The following AMBRA1 variants were observed in gnomAD, a reference collection of about 807,000 sequenced individuals.
The protein encoded by AMBRA1 is autophagy and beclin 1 regulator 1, also known as activating molecule in BECN1-regulated autophagy protein 1.
AMBRA1 carries 47 observed loss-of-function variants against 125.4 expected under a neutral mutation model. That is an observed-to-expected ratio of 0.37 (90% CI 0.30 to 0.48). The LOEUF (loss-of-function observed/expected upper bound fraction) is 0.48, where lower values mean the gene tolerates loss of function less well. AMBRA1 is among the 20% of genes least tolerant of loss of function. AMBRA1 has a pLI of 0.99. For synonymous variants in AMBRA1, 626 were observed against 655.5 expected, an observed-to-expected ratio of 0.95 and a Z score of 0.69; for missense variants, 1,331 against 1,693.4, an observed-to-expected ratio of 0.79 and a Z score of 3.76.
Position 46,586,208 on chromosome 11 carries a change from C to T in AMBRA1, c.-121+7620G>A, listed in dbSNP as rs565336118. On this transcript the variant is annotated intron_variant, in intron 1 of 17. Transcript: ENST00000683756. ...GATCACTTGAAGCCAGAGTTCAACACAAGCCTGGCCAACATGGCAAAACTC... is the reference window on the plus strand; with the variant it reads ...GATCACTTGAAGCCAGAGTTCAACATAAGCCTGGCCAACATGGCAAAACTC... Among the ~76,000 whole-genome samples the T allele has an allele frequency of 8.5e-4, 129 of 152,234 alleles. No individual in the cohort carries two copies. In the Middle Eastern group the frequency reaches 0.01, roughly 12 times the overall value.
rs755571553 is a variant in AMBRA1 at position 46,397,961 on chromosome 11, GAAGA to G, written c.3404-22_3404-19del. ...ACCCTCACCTGGCAGATACAAAGCA[GAAGA>G]GAGAGCGAATTGGCTGCTGGCCTGG... On this transcript the variant is annotated intron_variant, in intron 17 of 17. Transcript: ENST00000683756. 1.9e-6 allele frequency: 3 copies of G among 1,568,722 alleles called. No homozygotes were observed. The highest frequency in any genetic ancestry group is 2.6e-6 in the Non-Finnish European group (3 of 1,158,472).
At position 46,433,589 on chromosome 11, in the gene AMBRA1, C is replaced by T; in HGVS notation, c.2861G>A (p.Arg954Lys). ...AISVSLSPMG[R>K]YVMVGLASRR... ...TGAGGCCAAGCCCACCATTACATAT[C>T]TGCCCATTGGGGACAGGCTCACCGA... Residue 954 changes from arginine (R) to lysine (K), a missense_variant, in exon 14 of 18, where the codon AGA becomes AAA. By Grantham distance (26) the Arg-to-Lys change is conservative. Transcript: ENST00000683756. 1.2e-6 allele frequency: 2 copies of T among 1,614,176 alleles called. No homozygotes were observed. Among genetic ancestry groups the T allele is most frequent in the South Asian group, 1.1e-5 (1 of 91,074 alleles).
At chr11:46,465,319 G>A (rs1428891401) in intron 11 of AMBRA1, among the ~76,000 whole-genome samples, 4 of 152,124 alleles carry the variant, frequency 2.6e-5, no homozygotes, top group Non-Finnish European at 5.9e-5. Flanking sequence ...CATGGCACAC[G>A]CTCATCTCTT....
chr11:46,471,691 G>C (rs1294830699), intron 11 of AMBRA1, among the ~76,000 whole-genome samples: 2 of 150,818 alleles, frequency 1.3e-5, no homozygotes, highest in Non-Finnish European at 3.0e-5. Context: ...GCAGTAGCGT[G>C]ATCTCGGCAC....
intron 1 of AMBRA1, among the ~76,000 whole-genome samples, chr11:46,584,585 G>C (rs2044301692): frequency 6.6e-6 from 1 of 151,766 alleles, no homozygotes; most frequent in African/African-American, 2.4e-5. Flanking sequence ...TACACACTCT[G>C]CTATAATCAC....
intron 11 of AMBRA1, among the ~76,000 whole-genome samples, chr11:46,447,126 T>G: frequency 6.6e-6 from 1 of 151,994 alleles, no homozygotes; most frequent in East Asian, 1.9e-4. Context: ...AAATACAAAG[T>G]GGTCGGGCAT....
In AMBRA1 at chr11:46,548,329, G is replaced by A. The variant is rs762242348; in HGVS notation, c.52C>T (p.Arg18Trp). The A allele has an allele frequency of 2.5e-5, 41 of 1,613,878 alleles. No individual in the cohort carries two copies. The African/African-American group carries it at 2.9e-4, about 12-fold the overall frequency. Residue 18 changes from arginine (R) to tryptophan (W), a missense_variant, in exon 2 of 18, where the codon CGG (arginine) becomes TGG (tryptophan). Physicochemically the swap from Arg to Trp is moderately radical, Grantham distance 101. Around this residue, in one of 4 missense-constraint regions of AMBRA1, gnomAD observed 144 missense variants for 250.4 expected, o/e 0.58. Transcript: ENST00000683756. ...NAVRILWGRERGARAMGAQRL... is the reference protein window; with the variant it reads ...NAVRILWGREWGARAMGAQRL... The stretch of plus-strand genomic sequence containing the variant: ...TGAGCTCCCATGGCCCGAGCACCCC[G>A]TTCTCGCCCCCAGAGTATCCGGACA...
At chr11:46,567,913 C>T (rs528157913) in intron 1 of AMBRA1, among the ~76,000 whole-genome samples, 103 of 152,102 alleles carry the variant, frequency 6.8e-4, no homozygotes, top group African/African-American at 2.3e-3. Context: ...TTTGAGAGGC[C>T]GAGGCAGGCG....
chr11:46,463,404 T>G lies in AMBRA1; in HGVS notation c.2522-19806A>C, dbSNP rs549614781. On this transcript the variant is annotated intron_variant, in intron 11 of 17. Transcript: ENST00000683756. ...TATAAAATATATAGATGCTCTGCTG[T>G]AGAAGGTATGCAGTAACTCCATATT... 3.9e-5 allele frequency among the ~76,000 whole-genome samples: 6 copies of G among 152,288 alleles called. No individual in the cohort carries two copies. The South Asian group carries it at 1.2e-3, about 32-fold the overall frequency.
intron 17 of AMBRA1, among the ~76,000 whole-genome samples, chr11:46,407,600 C>T (rs893161890): frequency 1.3e-5 from 2 of 152,242 alleles, no homozygotes; most frequent in African/African-American, 4.8e-5. Context: ...GGCTGTGCTA[C>T]AGACCAAAGA....
intron 1 of AMBRA1, among the ~76,000 whole-genome samples, chr11:46,552,036 A>C (rs966857011): frequency 1.3e-5 from 2 of 150,496 alleles, no homozygotes; most frequent in Admixed American, 1.3e-4. Context: ...TCCAAAAAAA[A>C]ATTAACCAAT....
At chr11:46,403,681 T>C (rs1248838251) in intron 17 of AMBRA1, among the ~76,000 whole-genome samples, 6 of 152,012 alleles carry the variant, frequency 3.9e-5, no homozygotes, top group African/African-American at 1.4e-4. Flanking sequence ...CTTGTTAAAG[T>C]TGAACATGCA....
chr11:46,445,065 GAAAAACAAAAAAAA>G (rs771700911), intron 11 of AMBRA1, among the ~76,000 whole-genome samples: 9 of 93,310 alleles, frequency 9.6e-5, no homozygotes, highest in Non-Finnish European at 1.4e-4. Context: ...GCAAAAAAAA[GAAAAACAAAAAAAA>G]AAAAACAAAA....
At chr11:46,480,473 T>A (rs1437383484) in intron 11 of AMBRA1, among the ~76,000 whole-genome samples, 3 of 152,138 alleles carry the variant, frequency 2.0e-5, no homozygotes, top group Non-Finnish European at 4.4e-5. Context: ...AAAAGCTAAA[T>A]GACATAATGG....
In AMBRA1 at chr11:46,547,296, C is replaced by T; in HGVS notation, c.195G>A (p.Arg65=). 1 of 1,601,512 alleles carries T rather than the reference C, an allele frequency of 6.2e-7. No homozygotes were observed. Among genetic ancestry groups the T allele is most frequent in the African/African-American group, 1.3e-5 (1 of 74,460 alleles). Residue 65 remains arginine, a splice_region_variant and synonymous_variant, in exon 4 of 18, where the codon AGG becomes AGA. Transcript: ENST00000683756. ...TCACATGGGTGGAGGCTAAGAGAGTCCTAGAAAATCAAAGAGTAGAACTGA... is the reference window on the plus strand; with the variant it reads ...TCACATGGGTGGAGGCTAAGAGAGTTCTAGAAAATCAAAGAGTAGAACTGA... ...STFLLAFSPD[R]TLLASTHVNH...
intron 5 of AMBRA1, 127 bp from the exon 6 acceptor site, chr11:46,544,168 T>C: frequency 1.5e-6 from 1 of 676,590 alleles, no homozygotes; most frequent in Non-Finnish European, 2.5e-6. Context: ...ATCCACTTCA[T>C]TCAAGACTTC....
At chr11:46,407,891 T>C (rs1043561290) in intron 17 of AMBRA1, among the ~76,000 whole-genome samples, 1 of 152,176 alleles carries the variant, frequency 6.6e-6, no homozygotes, top group Non-Finnish European at 1.5e-5. Context: ...GAGAACAGCC[T>C]GTTTAACACA....
chr11:46,449,571 G>C (rs2136778953), intron 11 of AMBRA1, among the ~76,000 whole-genome samples: 1 of 152,244 alleles, frequency 6.6e-6, no homozygotes, highest in Non-Finnish European at 1.5e-5. Context: ...GAATAGGAAG[G>C]CTCAGTACTG....
At chr11:46,442,356 T>G (rs1301883785) in intron 12 of AMBRA1, among the ~76,000 whole-genome samples, 1 of 152,112 alleles carries the variant, frequency 6.6e-6, no homozygotes, top group Non-Finnish European at 1.5e-5. Context: ...TTGGCCAGGC[T>G]GGTCTTGAAC....
Sources: allele counts gnomAD v4.1 joint callset (sites outside exome capture counted in the v4.1 genomes callset), GRCh38; gene constraint gnomAD v4.1.1; regional missense constraint gnomAD v4.1.1; transcripts MANE v1.5; gene names NCBI Gene and HGNC (gene_info 2026-07-23, HGNC 2026-07-21).